Variants in BUB1 observed in about 807,000 individuals in gnomAD.
BUB1 encodes BUB1 mitotic checkpoint serine/threonine kinase, also known as mitotic checkpoint serine/threonine-protein kinase BUB1.
BUB1 carries 84 observed loss-of-function variants against 135.2 expected under a neutral mutation model. The observed-to-expected ratio is 0.62, with a 90% CI of 0.52 to 0.74. The LOEUF (loss-of-function observed/expected upper bound fraction) is 0.74. Among genes scored for constraint, BUB1 ranks in the 30% least tolerant of loss-of-function variants. BUB1 has a pLI of 0.00. For missense variants in BUB1, 1,162 were observed against 1,288.3 expected, an observed-to-expected ratio of 0.90 and a Z score of 1.50; for synonymous variants, 403 against 434.4, an observed-to-expected ratio of 0.93 and a Z score of 0.90.
chr2:110,655,862 G>T lies in BUB1; in HGVS notation c.1753C>A (p.Arg585Ser). Residue 585 changes from arginine (R) to serine (S), a missense_variant, in exon 16 of 25, where the codon CGC (arginine) becomes AGC (serine). Physicochemically the swap from Arg to Ser is moderately radical, Grantham distance 110 (BLOSUM62 -1). Coordinates refer to ENST00000302759, the MANE Select transcript of BUB1 (RefSeq NM_004336.5). ...CTGGGTGCCAGGGTTTTGTTGCAGC[G>T]AATACCCCATACAGTTGAGTCATCC... Reference protein sequence around the residue: ...FLDDSTVWGIRCNKTLAPSPK... With the variant: ...FLDDSTVWGISCNKTLAPSPK... 1.2e-6 allele frequency: 2 copies of T among 1,613,886 alleles called. No homozygotes were observed. The highest frequency in any genetic ancestry group is 1.7e-6 in the Non-Finnish European group (2 of 1,179,896).
At position 110,678,033 on chromosome 2, in the gene BUB1, C is replaced by A; in HGVS notation, c.-38G>T. 2.5e-6 allele frequency: 4 copies of A among 1,587,850 alleles called. No individual in the cohort carries two copies. The highest frequency in any genetic ancestry group is 1.1e-5 in the South Asian group (1 of 87,798). On this transcript the variant is annotated 5_prime_UTR_variant, in exon 1 of 25. Transcript: ENST00000302759. Reference sequence around the variant, plus strand: ...CTGGCCGGCAGCGGCCAAACCTGAACCGCAAACTAGAAGCCGCCGCCGATT... The same window carrying A: ...CTGGCCGGCAGCGGCCAAACCTGAAACGCAAACTAGAAGCCGCCGCCGATT...
In BUB1 at chr2:110,650,661, C is replaced by G; in HGVS notation, c.2088G>C (p.Glu696Asp). ...VLTCEAELGV[E>D]ACRLTDTDAA... ...CGTCAGTGTCTGTGAGTCTGCAAGC[C>G]TCAACGCCCAACTCTGCCTCACAGG... The change falls in exon 18 of 25, where the codon GAG becomes GAC. Residue 696 changes from glutamate (E) to aspartate (D), a missense_variant. Transcript: ENST00000302759. The G allele has an allele frequency of 6.2e-7, 1 of 1,614,014 alleles. No homozygotes were observed. The highest frequency in any genetic ancestry group is 1.1e-5 in the South Asian group (1 of 91,090).
At chr2:110,657,979 T>C (rs776508763) in intron 13 of BUB1, among the ~76,000 whole-genome samples, 6 of 152,204 alleles carry the variant, frequency 3.9e-5, no homozygotes, top group South Asian at 2.1e-4. Flanking sequence ...ATTAAGCTCT[T>C]AGCTTTACAT....
chr2:110,654,535 C>A (rs963649218), intron 16 of BUB1, among the ~76,000 whole-genome samples: 1 of 151,860 alleles, frequency 6.6e-6, no homozygotes, highest in Non-Finnish European at 1.5e-5. Context: ...GTTTATCGAG[C>A]CAAAGTGCCA....
intron 6 of BUB1, among the ~76,000 whole-genome samples, chr2:110,669,178 G>A (rs560895587): frequency 6.6e-6 from 1 of 152,288 alleles, no homozygotes; most frequent in Non-Finnish European, 1.5e-5. Context: ...ACAGAGGAAA[G>A]GACATTGGTA....
chr2:110,652,571 C>G (rs1446872619), intron 17 of BUB1, among the ~76,000 whole-genome samples: 2 of 84,200 alleles, frequency 2.4e-5, no homozygotes, highest in African/African-American at 5.3e-5. Context: ...TTATTAGAGG[C>G]TTGAAGGATG....
intron 4 of BUB1, among the ~76,000 whole-genome samples, chr2:110,672,260 T>C (rs758253268): frequency 6.6e-6 from 1 of 152,110 alleles, no homozygotes; most frequent in African/African-American, 2.4e-5. Context: ...GTGCTGTTTA[T>C]AAAAATCAAA....
chr2:110,649,832 T>C (rs1689734848), intron 18 of BUB1, among the ~76,000 whole-genome samples: 1 of 152,186 alleles, frequency 6.6e-6, no homozygotes, highest in South Asian at 2.1e-4. Context: ...ATACTTTGGG[T>C]CCACAAAAGA....
chr2:110,650,865 C>G (rs1689767555), intron 17 of BUB1, 81 bp from the exon 18 acceptor site: 1 of 1,320,334 alleles, frequency 7.6e-7, no homozygotes, highest in African/African-American at 1.5e-5. Context: ...AAATTCCCTT[C>G]TCATTCTAGA....
At chr2:110,651,264 G>A (rs1187015894) in intron 17 of BUB1, among the ~76,000 whole-genome samples, 1 of 152,080 alleles carries the variant, frequency 6.6e-6, no homozygotes, top group Non-Finnish European at 1.5e-5. Flanking sequence ...TGGCCCCATA[G>A]GATCATAATG....
At chr2:110,641,268 A>G (rs1004916937) in intron 22 of BUB1, 39 bp downstream of exon 22, 2 of 1,587,532 alleles carry the variant, frequency 1.3e-6, no homozygotes, top group Non-Finnish European at 1.7e-6. Flanking sequence ...TGCTATGGAA[A>G]TAGGAAGAGA....
chr2:110,638,186 G>T, intron 24 of BUB1, 27 bp from the exon 25 acceptor site: 1 of 1,544,514 alleles, frequency 6.5e-7, no homozygotes, highest in Non-Finnish European at 8.7e-7. Flanking sequence ...ATAAATAATG[G>T]CTAAAATGTA....
intron 11 of BUB1, 138 bp from the exon 12 acceptor site, chr2:110,658,880 T>C: frequency 9.5e-7 from 1 of 1,050,610 alleles, no homozygotes; most frequent in Non-Finnish European, 1.4e-6. Flanking sequence ...AGTATTATAG[T>C]GCTTTCATAT....
Position 110,655,855 on chromosome 2 carries a change from T to C in BUB1, c.1760A>G (p.Asn587Ser), listed in dbSNP as rs532935362. 1 of 1,614,048 alleles carries C rather than the reference T, an allele frequency of 6.2e-7. No homozygotes were observed. The highest frequency in any genetic ancestry group is 2.2e-5 in the East Asian group (1 of 44,874). The part of the protein sequence containing the change: ...DDSTVWGIRC[N>S]KTLAPSPKSP... ...CTTAGGACTGGGTGCCAGGGTTTTG[T>C]TGCAGCGAATACCCCATACAGTTGA... The change falls in exon 16 of 25, where the codon AAC becomes AGC. Residue 587 changes from asparagine to serine, a missense_variant. Asn to Ser is a conservative substitution (Grantham distance 46, BLOSUM62 1). Coordinates refer to ENST00000302759, the MANE Select transcript of BUB1 (RefSeq NM_004336.5).
At position 110,642,120 on chromosome 2, in the gene BUB1, T is replaced by C; in HGVS notation, c.2462A>G (p.Lys821Arg). ...CAAAAGACAACTCAGGTCATTTACC[T>C]TTAAAACAAATTTCTGTTTATTTTT... ...DAKNKQKFVL[K>R]VQKPANPWEF... The change falls in exon 20 of 25, where the codon AAG (lysine) becomes AGG (arginine). Residue 821 changes from lysine to arginine, a missense_variant and splice_region_variant. Physicochemically the swap from Lys to Arg is conservative, Grantham distance 26. Transcript: ENST00000302759. 1.2e-6 allele frequency: 2 copies of C among 1,602,110 alleles called. No individual in the cohort carries two copies. The highest frequency in any genetic ancestry group is 1.7e-6 in the Non-Finnish European group (2 of 1,172,962).
At position 110,649,391 on chromosome 2, in the gene BUB1, G is replaced by GGAA. The variant is rs1553515511; in HGVS notation, c.2204-15_2204-14insTTC. ...CAACAATGAAGTCTTAAAGGAATGA[G>GGAA]AAAAAAAAAAAAAAAGGGAACATGA... On this transcript the variant is annotated splice_polypyrimidine_tract_variant and intron_variant, in intron 18 of 24. Coordinates refer to ENST00000302759, the MANE Select transcript of BUB1 (RefSeq NM_004336.5). 8 of 1,128,714 alleles carry GGAA rather than the reference G, an allele frequency of 7.1e-6. No individual in the cohort carries two copies. In the African/African-American group the frequency reaches 2.1e-4, roughly 30 times the overall value. 69.9% of individuals were successfully genotyped at this position (1,128,714 alleles called of 1,614,324 possible).
In BUB1 at chr2:110,678,051, C is replaced by G; in HGVS notation, c.-56G>C. The stretch of plus-strand genomic sequence containing the variant: ...ACCTGAACCGCAAACTAGAAGCCGC[C>G]GCCGATTCGAATACCCCGCGCAGCC... On this transcript the variant is annotated 5_prime_UTR_variant, in exon 1 of 25. Transcript: ENST00000302759. 5 of 1,560,784 alleles carry G rather than the reference C, an allele frequency of 3.2e-6. No homozygotes were observed. In the South Asian group the frequency reaches 5.9e-5, roughly 18 times the overall value.
Position 110,667,703 on chromosome 2 carries a change from T to C in BUB1, c.623A>G (p.Glu208Gly), listed in dbSNP as rs1574332918. Residue 208 changes from glutamate (E) to glycine (G), a missense_variant and splice_region_variant, in exon 8 of 25, where the codon GAA becomes GGA. Glu to Gly is a moderately conservative substitution (Grantham distance 98). Transcript: ENST00000302759. ...TTTAGAAATCGTGATCACTCTTCGT[T>C]CCCTACAATGGGGGAAAATACATTA... Reference protein sequence around the residue: ...SSACDKESNMERRVITISKSE... With the variant: ...SSACDKESNMGRRVITISKSE... The C allele has an allele frequency of 2.5e-6, 4 of 1,612,278 alleles. No individual in the cohort carries two copies. The highest frequency in any genetic ancestry group is 3.4e-6 in the Non-Finnish European group (4 of 1,179,410).
At chr2:110,638,228 C>CA in intron 24 of BUB1, 69 bp from the exon 25 acceptor site, 1 of 1,284,428 alleles carries the variant, frequency 7.8e-7, no homozygotes, top group South Asian at 1.6e-5. Context: ...CCCACCCCTG[C>CA]ATCTGACTTC....
Sources: allele counts gnomAD v4.1 joint callset (sites outside exome capture counted in the v4.1 genomes callset), GRCh38; gene constraint gnomAD v4.1.1; transcripts MANE v1.5; gene names NCBI Gene and HGNC (gene_info 2026-07-23, HGNC 2026-07-21).